Variants in SRSF11 observed in about 807,000 individuals in gnomAD.
SRSF11 encodes the protein serine and arginine rich splicing factor 11.
Under a neutral mutation model 56.0 loss-of-function variants are expected in SRSF11, and 9 were observed. The ratio of observed to expected loss-of-function variants is 0.16; its 90% CI spans 0.10 to 0.28. The LOEUF (loss-of-function observed/expected upper bound fraction) is 0.28. Ranked by LOEUF, SRSF11 falls within the 10% of genes least tolerant of loss-of-function variation. The pLI is 1.00. For missense variants in SRSF11, 421 were observed against 600.7 expected (o/e 0.70, Z 3.13); for synonymous variants, 222 against 215.3 (o/e 1.03, Z -0.27).
At chr1:70,233,209 T>A (rs1031581069) in intron 3 of SRSF11, among the ~76,000 whole-genome samples, 1 of 151,560 alleles carries the variant, frequency 6.6e-6, no homozygotes, top group Non-Finnish European at 1.5e-5. Flanking sequence ...TGTTCTGTTT[T>A]GTTTTGTTTT....
rs1678090437 is a variant in SRSF11 at position 70,252,479 on chromosome 1, A to G, written c.*1674A>G. ...GCTTTTATCCAAGTTTTGAGTATAA[A>G]TAGGGTTTTGTTTTGTTTTTTTTAA... is the stretch of plus-strand genomic sequence containing the variant. On this transcript the variant is annotated 3_prime_UTR_variant, in exon 12 of 12. Transcript: ENST00000370949. 6.6e-6 allele frequency: 1 copy of G among 152,134 alleles called. No individual in the cohort carries two copies. The highest frequency in any genetic ancestry group is 2.4e-5 in the African/African-American group (1 of 41,436). The allele number at this position is 152,134 out of a possible 1,614,324, so 9.4% of individuals were successfully genotyped here.
At chr1:70,209,367 A>G (rs1252988855) in intron 1 of SRSF11, among the ~76,000 whole-genome samples, 1 of 152,216 alleles carries the variant, frequency 6.6e-6, no homozygotes, top group East Asian at 1.9e-4. Context: ...TTTTGCAGAC[A>G]TTCTAGGAAG....
intron 7 of SRSF11, among the ~76,000 whole-genome samples, chr1:70,240,199 CAA>C (rs1038074244): frequency 1.2e-4 from 19 of 152,138 alleles, no homozygotes; most frequent in Non-Finnish European, 2.1e-4. Context: ...GAATATTACT[CAA>C]GAGACTAGAT....
At chr1:70,210,213 GA>G (rs1669439418) in intron 1 of SRSF11, among the ~76,000 whole-genome samples, 1 of 151,262 alleles carries the variant, frequency 6.6e-6, no homozygotes, top group Non-Finnish European at 1.5e-5. Context: ...CTGGAGTGCA[GA>G]GCTCACTGCA....
At chr1:70,250,332 A>G (rs1216691140) in intron 10 of SRSF11, 33 bp from the exon 11 acceptor site, 1 of 1,605,852 alleles carries the variant, frequency 6.2e-7, no homozygotes. Flanking sequence ...AAACAAGTTA[A>G]ACCTGTTGCT....
intron 6 of SRSF11, 118 bp downstream of exon 6, chr1:70,237,670 A>G: frequency 7.2e-7 from 1 of 1,393,500 alleles, no homozygotes; most frequent in Middle Eastern, 2.0e-4. Context: ...CTCTGATAAA[A>G]GATTGTATAG....
At chr1:70,226,535 A>T (rs1389790473) in intron 1 of SRSF11, among the ~76,000 whole-genome samples, 1 of 152,176 alleles carries the variant, frequency 6.6e-6, no homozygotes, top group Non-Finnish European at 1.5e-5. Context: ...CATATTTGGG[A>T]GTCATTTCTT....
intron 7 of SRSF11, among the ~76,000 whole-genome samples, chr1:70,243,336 CAAAAAAAA>C (rs56098296): frequency 3.7e-3 from 119 of 32,552 alleles, no homozygotes; most frequent in African/African-American, 6.7e-3. Context: ...TGGTTGGTGG[CAAAAAAAA>C]AAAAAAAAAA....
chr1:70,234,200 G>T (rs948520947), intron 3 of SRSF11, among the ~76,000 whole-genome samples: 1 of 152,114 alleles, frequency 6.6e-6, no homozygotes, highest in Non-Finnish European at 1.5e-5. Flanking sequence ...TTCTTAGTCA[G>T]TGTCCTTCCA....
intron 2 of SRSF11, chr1:70,229,172 ATTC>A (rs1222523437): frequency 2.3e-6 from 3 of 1,282,372 alleles, no homozygotes; most frequent in East Asian, 5.6e-5. Context: ...TAAATAATAA[ATTC>A]TTCTCTCTGT....
In SRSF11 at chr1:70,221,545, C is replaced by G. The variant is rs1670619808; in HGVS notation, c.-92C>G. On this transcript the variant is annotated 5_prime_UTR_variant, in exon 1 of 12. Transcript: ENST00000370949. ...AGGCTGTAGCATCGGACACCCTCCT[C>G]TCTCCCGCAATCCGGTTCCTCTTCC... The G allele has an allele frequency of 4.0e-6, 6 of 1,497,290 alleles. No individual in the cohort carries two copies. The South Asian group carries it at 6.7e-5, about 17-fold the overall frequency. The allele number at this position is 1,497,290 out of a possible 1,614,324, so 92.8% of individuals were successfully genotyped here.
At chr1:70,247,307 A>G (rs558586265) in intron 9 of SRSF11, among the ~76,000 whole-genome samples, 50 of 152,208 alleles carry the variant, frequency 3.3e-4, no homozygotes, top group African/African-American at 7.9e-4. Flanking sequence ...ATGGGAAGCA[A>G]TGCAGGTTCT....
At chr1:70,207,704 C>T (rs2100414192) in intron 1 of SRSF11, among the ~76,000 whole-genome samples, 1 of 150,790 alleles carries the variant, frequency 6.6e-6, no homozygotes, top group Non-Finnish European at 1.5e-5. Flanking sequence ...CCTCCCCCTA[C>T]AATAGATTCT....
intron 8 of SRSF11, 74 bp downstream of exon 8, chr1:70,244,889 A>T (rs1425622099): frequency 6.8e-7 from 1 of 1,473,526 alleles, no homozygotes; most frequent in Non-Finnish European, 9.3e-7. Flanking sequence ...GTAACAAAAG[A>T]GGTGGTTGGG....
chr1:70,222,907 T>G (rs1670974127), intron 1 of SRSF11: 1 of 152,236 alleles, frequency 6.6e-6, no homozygotes, highest in African/African-American at 2.4e-5. Context: ...CTTAAAATAC[T>G]TTCACAAGAT....
At chr1:70,223,780 C>T (rs1190896970) in intron 1 of SRSF11, among the ~76,000 whole-genome samples, 1 of 152,168 alleles carries the variant, frequency 6.6e-6, no homozygotes, top group African/African-American at 2.4e-5. Flanking sequence ...ACTAATCTGA[C>T]TGGCACAAGT....
At position 70,237,556 on chromosome 1, in the gene SRSF11, A is replaced by G; in HGVS notation, c.718+4A>G. 1.2e-6 allele frequency: 2 copies of G among 1,607,842 alleles called. No individual in the cohort carries two copies. Among genetic ancestry groups the G allele is most frequent in the African/African-American group, 2.7e-5 (2 of 74,668 alleles). On this transcript the variant is annotated splice_donor_region_variant and intron_variant, in intron 6 of 11. Coordinates refer to ENST00000370949, the MANE Select transcript of SRSF11 (RefSeq NM_001350605.2). ...ATTTCTGCTGCTATAGAACCAGGTAAACAATGTTTATGCAATTTTGTTGTG... is the reference window on the plus strand; with the variant it reads ...ATTTCTGCTGCTATAGAACCAGGTAGACAATGTTTATGCAATTTTGTTGTG...
intron 1 of SRSF11, chr1:70,222,934 T>C: frequency 6.6e-6 from 1 of 152,206 alleles, no homozygotes; most frequent in East Asian, 1.9e-4. Context: ...TGTTTTCAAA[T>C]TGGTATGTTT....
rs1677894597 is a variant in SRSF11, at chr1:70,251,147, G to A, written c.*342G>A. 1 of 197,144 alleles carries A rather than the reference G, an allele frequency of 5.1e-6. No individual in the cohort carries two copies. 12.2% of individuals were successfully genotyped at this position (197,144 alleles called of 1,614,324 possible). A position where few individuals can be genotyped will look rare whatever the true frequency, so the allele number is the denominator to read the frequency against. ...CCTTTATTAAGTAAGTTCACTTATAGTATTTCTATAATTTGATTCATTGCC... is the reference window on the plus strand; with the variant it reads ...CCTTTATTAAGTAAGTTCACTTATAATATTTCTATAATTTGATTCATTGCC... On this transcript the variant is annotated 3_prime_UTR_variant, in exon 12 of 12. Coordinates refer to ENST00000370949, the MANE Select transcript of SRSF11 (RefSeq NM_001350605.2).
Sources: allele counts gnomAD v4.1 joint callset (sites outside exome capture counted in the v4.1 genomes callset), GRCh38; gene constraint gnomAD v4.1.1; transcripts MANE v1.5; gene names NCBI Gene and HGNC (gene_info 2026-07-23, HGNC 2026-07-21).